Variants in PHACTR1 observed in about 807,000 individuals in gnomAD.
PHACTR1 encodes phosphatase and actin regulator 1.
Under a neutral mutation model 69.2 loss-of-function variants are expected in PHACTR1, and 16 were observed. That is an observed-to-expected ratio of 0.23 (90% CI 0.16 to 0.35). The LOEUF (loss-of-function observed/expected upper bound fraction) is 0.35, where lower values mean the gene tolerates loss of function less well. PHACTR1 is among the 10% of genes least tolerant of loss of function. The pLI, the probability that PHACTR1 is intolerant of heterozygous loss-of-function variation, is 1.00. For synonymous variants in PHACTR1, 312 were observed against 284.5 expected (o/e 1.10, Z -0.97); for missense variants, 510 against 734.7 (o/e 0.69, Z 3.54).
At chr6:12,817,230 A>G (rs1331168152) in intron 4 of PHACTR1, among the ~76,000 whole-genome samples, 1 of 152,186 alleles carries the variant, frequency 6.6e-6, no homozygotes, top group Non-Finnish European at 1.5e-5. Flanking sequence ...GACTTTAACC[A>G]AGGAAAGTGA....
intron 4 of PHACTR1, among the ~76,000 whole-genome samples, chr6:12,797,040 T>TGTGAGAGAGA (rs563796658): frequency 7.5e-6 from 1 of 133,394 alleles, no homozygotes; most frequent in African/African-American, 2.8e-5. Context: ...TGTGTGTGTG[T>TGTGAGAGAGA]GAGAGAGAGA....
At chr6:13,005,036 T>G (rs1399440243) in intron 4 of PHACTR1, among the ~76,000 whole-genome samples, 2 of 151,864 alleles carry the variant, frequency 1.3e-5, no homozygotes, top group African/African-American at 4.8e-5. Flanking sequence ...AATTTTTTAT[T>G]AATAAAAAGC....
chr6:12,946,288 G>C (rs953879806), intron 4 of PHACTR1, among the ~76,000 whole-genome samples: 1 of 152,080 alleles, frequency 6.6e-6, no homozygotes, highest in Non-Finnish European at 1.5e-5. Context: ...TGTAGTGAAG[G>C]AAGTTGGGTG....
chr6:13,135,634 A>G (rs1349664430), intron 5 of PHACTR1, among the ~76,000 whole-genome samples: 1 of 152,224 alleles, frequency 6.6e-6, no homozygotes, highest in Non-Finnish European at 1.5e-5. Context: ...ATTCAGTGCT[A>G]TCAGTAAAGA....
rs1430572888 is a variant in PHACTR1 at position 12,939,495 on chromosome 6, C to T, written c.251-113870C>T. ...GTGTGACTGTTAACCAGTCACTTCT[C>T]GTATCTAGAACTCTTTCCTCATCAG... On this transcript the variant is annotated intron_variant, in intron 4 of 14. Transcript: ENST00000332995. Among the ~76,000 whole-genome samples, 4 of 152,238 alleles carry T rather than the reference C, an allele frequency of 2.6e-5. No individual in the cohort carries two copies. In the East Asian group the frequency reaches 5.8e-4, roughly 22 times the overall value.
chr6:12,866,883 G>A (rs916393026), intron 4 of PHACTR1, among the ~76,000 whole-genome samples: 2 of 152,140 alleles, frequency 1.3e-5, no homozygotes, highest in Admixed American at 1.3e-4. Flanking sequence ...CCGAAACAAA[G>A]CTTTCAAAGG....
chr6:13,012,008 T>G (rs1453925353), intron 4 of PHACTR1, among the ~76,000 whole-genome samples: 2 of 152,186 alleles, frequency 1.3e-5, no homozygotes, highest in African/African-American at 2.4e-5. Flanking sequence ...TTGGCCTGGC[T>G]GGTAGTCCAG....
At chr6:12,985,622 T>G (rs1221683526) in intron 4 of PHACTR1, among the ~76,000 whole-genome samples, 1 of 150,712 alleles carries the variant, frequency 6.6e-6, no homozygotes, top group Non-Finnish European at 1.5e-5. Context: ...GTTAATAGTA[T>G]TTTTTATAAA....
chr6:12,963,624 C>T (rs1052188694), intron 4 of PHACTR1, among the ~76,000 whole-genome samples: 18 of 152,134 alleles, frequency 1.2e-4, no homozygotes, highest in Non-Finnish European at 2.2e-4. Context: ...ATGATCCGGG[C>T]GTTTTGATTC....
Position 12,951,459 on chromosome 6 carries a change from A to T in PHACTR1, c.251-101906A>T, listed in dbSNP as rs948288043. Among the ~76,000 whole-genome samples, 6 of 152,342 alleles carry T rather than the reference A, an allele frequency of 3.9e-5. No individual in the cohort carries two copies. The East Asian group carries it at 9.6e-4, about 24-fold the overall frequency. On this transcript the variant is annotated intron_variant, in intron 4 of 14. Transcript: ENST00000332995. ...CTCATTTTTAAGATAATAAAAGAAA[A>T]GGGGGGAGTTATAATCTGCAATATC...
At position 13,287,811 on chromosome 6, in the gene PHACTR1, T is replaced by C. The variant is rs1781950398; in HGVS notation, c.*733T>C. On this transcript the variant is annotated 3_prime_UTR_variant, in exon 15 of 15. Coordinates refer to ENST00000332995, the MANE Select transcript of PHACTR1 (RefSeq NM_030948.6). ...TTAGAAGGGGAAAGATGTCATATGC[T>C]CAGTTCAAATAATCAACCCAACTGT... is the stretch of plus-strand genomic sequence containing the variant. 6.5e-6 allele frequency: 1 copy of C among 153,818 alleles called. No individual in the cohort carries two copies. The highest frequency in any genetic ancestry group is 2.0e-4 in the South Asian group (1 of 5,016). 9.5% of individuals were successfully genotyped at this position (153,818 alleles called of 1,614,324 possible).
intron 5 of PHACTR1, among the ~76,000 whole-genome samples, chr6:13,117,849 C>T (rs990016940): frequency 3.3e-5 from 5 of 152,268 alleles, no homozygotes; most frequent in African/African-American, 1.2e-4. Context: ...TGCTTTTATC[C>T]CACCTAACGC....
chr6:12,863,648 A>G lies in PHACTR1; in HGVS notation c.250+113858A>G, dbSNP rs146552716. 2.0e-4 allele frequency among the ~76,000 whole-genome samples: 31 copies of G among 152,388 alleles called. 1 individual carries two copies. The highest frequency in any genetic ancestry group is 7.2e-4 in the African/African-American group (30 of 41,592). On this transcript the variant is annotated intron_variant, in intron 4 of 14. Coordinates refer to ENST00000332995, the MANE Select transcript of PHACTR1 (RefSeq NM_030948.6). ...AGTGCAGTCCTGGGAGGACATTCTC[A>G]GGAAATAAATGTGTTGTTTAAAAGT...
intron 5 of PHACTR1, among the ~76,000 whole-genome samples, chr6:13,100,304 G>C (rs945367446): frequency 2.0e-5 from 3 of 152,088 alleles, no homozygotes; most frequent in African/African-American, 7.2e-5. Context: ...GGAGGCAAAA[G>C]GTCTGTAGTG....
At chr6:12,949,180 G>T (rs2127551325) in intron 4 of PHACTR1, among the ~76,000 whole-genome samples, 1 of 147,564 alleles carries the variant, frequency 6.8e-6, no homozygotes, top group African/African-American at 2.5e-5. Context: ...TGAGGCAGGA[G>T]AATCACTTGA....
intron 5 of PHACTR1, among the ~76,000 whole-genome samples, chr6:13,087,202 A>AAC (rs150836679): frequency 1.4e-5 from 2 of 147,484 alleles, no homozygotes; most frequent in Non-Finnish European, 3.0e-5. Flanking sequence ...TTAGATATCT[A>AAC]ATATATATAT....
intron 4 of PHACTR1, chr6:12,958,057 A>T: frequency 1.0e-6 from 1 of 967,228 alleles, no homozygotes; most frequent in Non-Finnish European, 1.2e-6. Context: ...GGCGTCTGAA[A>T]TCATGTTATT....
chr6:13,041,122 G>A (rs1383175971), intron 4 of PHACTR1, among the ~76,000 whole-genome samples: 1 of 151,980 alleles, frequency 6.6e-6, no homozygotes, highest in Non-Finnish European at 1.5e-5. Context: ...TCATGCAGAA[G>A]AATAATAAAA....
intron 4 of PHACTR1, among the ~76,000 whole-genome samples, chr6:12,911,992 A>G (rs1273092560): frequency 2.0e-5 from 3 of 152,054 alleles, no homozygotes; most frequent in Admixed American, 1.3e-4. Context: ...TTATTTATTT[A>G]TTTGTTTGTT....
Sources: allele counts gnomAD v4.1 joint callset (sites outside exome capture counted in the v4.1 genomes callset), GRCh38; gene constraint gnomAD v4.1.1; transcripts MANE v1.5; gene names NCBI Gene and HGNC (gene_info 2026-07-23, HGNC 2026-07-21).